The following METTL9 variants were observed in gnomAD, a reference collection of about 807,000 sequenced individuals.
The protein encoded by METTL9 is methyltransferase 9, His-X-His N1(pi)-histidine, also known as protein-L-histidine N-pros-methyltransferase.
Under a neutral mutation model 36.0 loss-of-function variants are expected in METTL9, and 10 were observed. That is an observed-to-expected ratio of 0.28 (90% CI 0.17 to 0.47). The LOEUF is 0.47. Ranked by LOEUF, METTL9 falls within the 20% of genes least tolerant of loss-of-function variation. The pLI, the probability that METTL9 is intolerant of heterozygous loss-of-function variation, is 0.99. For synonymous variants in METTL9, 175 were observed against 149.7 expected (o/e 1.17, Z -1.23); for missense variants, 246 against 383.5 (o/e 0.64, Z 3.00).
upstream of METTL9, among the ~76,000 whole-genome samples, chr16:21,598,616 T>C (rs1246286716): frequency 6.6e-6 from 1 of 152,132 alleles, no homozygotes; most frequent in Non-Finnish European, 1.5e-5. Flanking sequence ...GCTTGGATAA[T>C]AGCAGGAAGA....
intron 1 of METTL9, among the ~76,000 whole-genome samples, chr16:21,602,899 TCC>T (rs1027657372): frequency 6.6e-6 from 1 of 152,130 alleles, no homozygotes; most frequent in African/African-American, 2.4e-5. Context: ...CCTCAAGTGA[TCC>T]TTCTTCCTGG....
Position 21,599,903 on chromosome 16 carries a change from G to C in METTL9, c.165+5G>C. 1 of 1,417,016 alleles carries C rather than the reference G, an allele frequency of 7.1e-7. No individual in the cohort carries two copies. The highest frequency in any genetic ancestry group is 9.2e-7 in the Non-Finnish European group (1 of 1,086,722). The allele number at this position is 1,417,016 out of a possible 1,614,324, so 87.8% of individuals were successfully genotyped here. On this transcript the variant is annotated splice_donor_5th_base_variant and intron_variant, in intron 1 of 4. Transcript: ENST00000358154. The surrounding 1 kb of genome is among the most constrained non-coding windows in gnomAD (Gnocchi z 4.4). ...GGCAGGAAGGAGAACCACCAGGTAC[G>C]GGCTGGGGCCGGGGCCGGGGCGGGG...
In METTL9 at chr16:21,655,392, A is replaced by G. The variant is rs1966679795; in HGVS notation, c.917A>G (p.Tyr306Cys). 1 of 1,614,042 alleles carries G rather than the reference A, an allele frequency of 6.2e-7. No homozygotes were observed. The highest frequency in any genetic ancestry group is 8.5e-7 in the Non-Finnish European group (1 of 1,180,024). ...LCEGDMYNDY[Y>C]VLDDAVFVLK... The stretch of plus-strand genomic sequence containing the variant: ...GAAGGCGACATGTATAATGACTACT[A>G]CGTTCTGGATGACGCTGTCTTTGTT... Residue 306 changes from tyrosine to cysteine, a missense_variant, in exon 5 of 5, where the codon TAC (tyrosine) becomes TGC (cysteine). By Grantham distance (194) the Tyr-to-Cys change is radical (BLOSUM62 -2). This residue lies in a region of METTL9 where 146 missense variants were observed against 302.1 expected (regional missense o/e 0.48). Transcript: ENST00000358154.
At chr16:21,614,561 T>C (rs1254199124) in intron 2 of METTL9, among the ~76,000 whole-genome samples, 1 of 152,218 alleles carries the variant, frequency 6.6e-6, no homozygotes. Flanking sequence ...TCTTGCCTTG[T>C]GTCCCATTCT....
chr16:21,631,487 T>C (rs1451787962), intron 4 of METTL9, among the ~76,000 whole-genome samples: 1 of 152,218 alleles, frequency 6.6e-6, no homozygotes. Context: ...TGCAAACAGC[T>C]TGCAAGTTTG....
At chr16:21,649,298 C>T (rs192692678) in intron 4 of METTL9, among the ~76,000 whole-genome samples, 4 of 152,264 alleles carry the variant, frequency 2.6e-5, no homozygotes, top group Non-Finnish European at 4.4e-5. Flanking sequence ...TTGCTCTCTT[C>T]TCATCATGTT....
intron 3 of METTL9, among the ~76,000 whole-genome samples, chr16:21,624,182 C>T (rs1335540014): frequency 6.6e-6 from 1 of 152,184 alleles, no homozygotes; most frequent in Non-Finnish European, 1.5e-5. Flanking sequence ...TTTTATACCA[C>T]TCCCAGCCAT....
rs868162764 is a variant in METTL9, at chr16:21,655,215, T to C, written c.752-12T>C. The C allele has an allele frequency of 2.5e-6, 4 of 1,608,362 alleles. No homozygotes were observed. The highest frequency in any genetic ancestry group is 1.7e-4 in the Middle Eastern group (1 of 6,050). Reference sequence around the variant, plus strand: ...GTTCAAGAATTTAACTGAATGTTCTTATTTGTATTAGTAGGTGGCAAGTGG... The same window carrying C: ...GTTCAAGAATTTAACTGAATGTTCTCATTTGTATTAGTAGGTGGCAAGTGG... On this transcript the variant is annotated splice_polypyrimidine_tract_variant and intron_variant, in intron 4 of 4. Transcript: ENST00000358154.
In METTL9 at chr16:21,599,931, G is replaced by T. The variant is rs895359075; in HGVS notation, c.165+33G>T. The stretch of plus-strand genomic sequence containing the variant: ...CTGGGGCCGGGGCCGGGGCGGGGGC[G>T]TGGCGGCCCGGCCTTCCCGCGCTGG... On this transcript the variant is annotated intron_variant, in intron 1 of 4. Coordinates refer to ENST00000358154, the MANE Select transcript of METTL9 (RefSeq NM_016025.5). The surrounding 1 kb of genome is among the most constrained non-coding windows in gnomAD (Gnocchi z 4.4). 1 of 1,303,028 alleles carries T rather than the reference G, an allele frequency of 7.7e-7. No homozygotes were observed. Among genetic ancestry groups the T allele is most frequent in the Non-Finnish European group, 9.7e-7 (1 of 1,031,586 alleles). The allele number at this position is 1,303,028 out of a possible 1,614,324, so 80.7% of individuals were successfully genotyped here.
chr16:21,617,838 T>A (rs769530414), intron 2 of METTL9, 27 bp from the exon 3 acceptor site: 21 of 1,600,688 alleles, frequency 1.3e-5, no homozygotes, highest in Non-Finnish European at 1.8e-5. Flanking sequence ...CATAGACACT[T>A]CCATTTTTGT....
At chr16:21,641,597 C>T (rs2141610114) in intron 4 of METTL9, 2 of 1,550,572 alleles carry the variant, frequency 1.3e-6, no homozygotes, top group South Asian at 2.3e-5. Context: ...CTTTCTCCTG[C>T]AATAATAAAT....
chr16:21,643,236 T>C (rs1289944016), intron 4 of METTL9: 1 of 1,066,912 alleles, frequency 9.4e-7, no homozygotes, highest in African/African-American at 1.6e-5. Context: ...CTTTTCTTGC[T>C]CTATTGCCAC....
intron 4 of METTL9, among the ~76,000 whole-genome samples, chr16:21,631,891 A>C (rs1452399050): frequency 1.3e-5 from 2 of 152,086 alleles, no homozygotes; most frequent in African/African-American, 4.8e-5. Flanking sequence ...TTTTTTCTTT[A>C]CTACTTCCAT....
intron 4 of METTL9, chr16:21,646,983 A>G (rs1966444849): frequency 9.5e-7 from 1 of 1,048,278 alleles, no homozygotes; most frequent in African/African-American, 1.6e-5. Context: ...TCCAAACCTC[A>G]TGGTGACTTG....
intron 4 of METTL9, chr16:21,643,656 C>A: frequency 8.9e-7 from 1 of 1,118,580 alleles, no homozygotes; most frequent in Non-Finnish European, 1.3e-6. Flanking sequence ...ACAATGGTGG[C>A]AGATATCTCA....
At chr16:21,615,750 C>T (rs1965539845) in intron 2 of METTL9, among the ~76,000 whole-genome samples, 1 of 152,224 alleles carries the variant, frequency 6.6e-6, no homozygotes. Context: ...CGCCTCCCCT[C>T]AGCCATGCTG....
intron 1 of METTL9, among the ~76,000 whole-genome samples, chr16:21,605,810 G>GT (rs2152892741): frequency 6.6e-6 from 1 of 152,226 alleles, no homozygotes; most frequent in African/African-American, 2.4e-5. Flanking sequence ...CCAAGTGGGT[G>GT]TTTAATTGTT....
At chr16:21,646,924 G>T (rs1398337462) in intron 4 of METTL9, 4 of 609,176 alleles carry the variant, frequency 6.6e-6, no homozygotes, top group Non-Finnish European at 1.2e-5. Context: ...AAAGTGCTGG[G>T]ATTACAGGTG....
intron 4 of METTL9, among the ~76,000 whole-genome samples, chr16:21,645,768 A>G (rs1190883023): frequency 1.3e-5 from 2 of 152,292 alleles, no homozygotes; most frequent in South Asian, 4.1e-4. Context: ...AGACATACAA[A>G]TCTCTAAAGC....
Sources: gnomAD v4.1 joint callset for allele counts (sites outside exome capture counted in the v4.1 genomes callset) on GRCh38, gnomAD v4.1.1 for gene constraint, gnomAD v4.1.1 regional missense constraint, Gnocchi (gnomAD v3.1) non-coding constraint, MANE v1.5 for transcripts, NCBI Gene and HGNC (gene_info 2026-07-23, HGNC 2026-07-21) for gene names.